ACOX3: variants seen among roughly 807,000 people sequenced by gnomAD.
The protein encoded by ACOX3 is peroxisomal acyl-coenzyme A oxidase 3.
Under a neutral mutation model 81.5 loss-of-function variants are expected in ACOX3, and 73 were observed. That is an observed-to-expected ratio of 0.90 (90% CI 0.74 to 1.09). ACOX3 has a LOEUF of 1.09. Among genes scored for constraint, ACOX3 ranks in the 50% least tolerant of loss-of-function variants. ACOX3 has a pLI of 0.00. For missense variants in ACOX3, 947 were observed against 928.0 expected (o/e 1.02, Z -0.27); for synonymous variants, 387 against 375.1 (o/e 1.03, Z -0.37).
At chr4:8,402,585 G>A (rs1261904485) in intron 7 of ACOX3, among the ~76,000 whole-genome samples, 1 of 152,208 alleles carries the variant, frequency 6.6e-6, no homozygotes, top group Admixed American at 6.5e-5. Context: ...ATTCCCGTGA[G>A]TTTCAAAGGA....
rs575942923 is a variant in ACOX3 at position 8,421,027 on chromosome 4, A to G, written c.-14-4492T>C. ...AAGGTTCCATTCCTTGGAATCCGTGAGGCCAAGAACCCCAGGTCAGAGAGC... is the reference window on the plus strand; with the variant it reads ...AAGGTTCCATTCCTTGGAATCCGTGGGGCCAAGAACCCCAGGTCAGAGAGC... On this transcript the variant is annotated intron_variant, in intron 1 of 17. Coordinates refer to ENST00000356406, the MANE Select transcript of ACOX3 (RefSeq NM_003501.3). Among the ~76,000 whole-genome samples, 3 of 152,310 alleles carry G rather than the reference A, an allele frequency of 2.0e-5. No homozygotes were observed. In the East Asian group the frequency reaches 5.8e-4, roughly 29 times the overall value.
intron 1 of ACOX3, among the ~76,000 whole-genome samples, chr4:8,435,912 C>G (rs930287615): frequency 3.3e-5 from 5 of 152,098 alleles, no homozygotes; most frequent in African/African-American, 1.2e-4. Context: ...CTAACATGCC[C>G]CAGGTCTCAC....
chr4:8,371,117 C>T (rs145053808), intron 16 of ACOX3, 123 bp from the exon 17 acceptor site: 19 of 795,660 alleles, frequency 2.4e-5, no homozygotes, highest in East Asian at 1.3e-4. Flanking sequence ...GCGGCACGTG[C>T]GGCTCTGCTG....
At position 8,377,620 on chromosome 4, in the gene ACOX3, G is replaced by T. The variant is rs540470757; in HGVS notation, c.1654-2468C>A. ...GCATCTCAGTCCCCAGGATTTGCCT[G>T]CATGATACTGCGCTGTTCTTCCAGG... is the stretch of plus-strand genomic sequence containing the variant. On this transcript the variant is annotated intron_variant, in intron 14 of 17. Coordinates refer to ENST00000356406, the MANE Select transcript of ACOX3 (RefSeq NM_003501.3). 3.3e-5 allele frequency among the ~76,000 whole-genome samples: 5 copies of T among 152,332 alleles called. No homozygotes were observed. In the East Asian group the frequency reaches 9.7e-4, roughly 29 times the overall value.
chr4:8,404,084 C>T (rs138516606), intron 7 of ACOX3, among the ~76,000 whole-genome samples: 7 of 152,230 alleles, frequency 4.6e-5, no homozygotes, highest in East Asian at 1.9e-4. Context: ...TCCTGCACAG[C>T]GCTTCAGAGC....
chr4:8,359,914 G>T, the ACOX3 span, among the ~76,000 whole-genome samples: 7 of 152,312 alleles, frequency 4.6e-5, no homozygotes, highest in East Asian at 1.3e-3. The surrounding 1 kb of genome is among the most constrained non-coding windows in gnomAD (Gnocchi z 6.0). Flanking sequence ...AACCAGGTCT[G>T]GTGTGCTTTC....
Position 8,414,918 on chromosome 4 carries a change from G to A in ACOX3, c.389C>T (p.Ser130Leu). The A allele has an allele frequency of 6.2e-7, 1 of 1,614,186 alleles. No homozygotes were observed. Among genetic ancestry groups the A allele is most frequent in the South Asian group, 1.1e-5 (1 of 91,082 alleles). The stretch of plus-strand genomic sequence containing the variant: ...TTCAGAACCAGAACTGTAAACTGCT[G>A]ATCCAAAAACCTGAAAGTATAACAT... The part of the protein sequence containing the change: ...KYLLHSLVFG[S>L]AVYSSGSERH... The change falls in exon 4 of 18, where the codon TCA (serine) becomes TTA (leucine). Residue 130 changes from serine (S) to leucine (L), a missense_variant. Physicochemically the swap from Ser to Leu is moderately radical, Grantham distance 145. Transcript: ENST00000356406. The surrounding 1 kb of genome is among the most constrained non-coding windows in gnomAD (Gnocchi z 6.1).
chr4:8,376,114 G>C (rs1560168838), intron 14 of ACOX3, among the ~76,000 whole-genome samples: 1 of 152,152 alleles, frequency 6.6e-6, no homozygotes, highest in South Asian at 2.1e-4. Flanking sequence ...GTGGCTGAAC[G>C]AATCTGCGTT....
rs941613103 is a variant in ACOX3 at position 8,386,380 on chromosome 4, C to T, written c.1537+2793G>A. 2.0e-5 allele frequency among the ~76,000 whole-genome samples: 3 copies of T among 151,958 alleles called. No homozygotes were observed. The highest frequency in any genetic ancestry group is 4.8e-5 in the African/African-American group (2 of 41,352). ...AGGATATCGAGACCATCCTGCCTAA[C>T]ACGGTGAAACTCCGTCTCTACTAAA... On this transcript the variant is annotated intron_variant, in intron 13 of 17. Transcript: ENST00000356406. This position sits in a 1 kb window ranked among gnomAD's most constrained non-coding sequence, Gnocchi z 5.2.
Position 8,392,452 on chromosome 4 carries a change from G to A in ACOX3, c.1181C>T (p.Ala394Val). The A allele has an allele frequency of 6.4e-7, 1 of 1,571,610 alleles. No individual in the cohort carries two copies. Among genetic ancestry groups the A allele is most frequent in the Non-Finnish European group, 8.6e-7 (1 of 1,162,260 alleles). The part of the protein sequence containing the change: ...LASGDRSARQ[A>V]ELGREIHALA... ...GGCGTGGATCTCACGTCCAAGCTCT[G>A]CCTTTGGGTGAGGGAATCCAACAAG... The change falls in exon 11 of 18, where the codon GCA (alanine) becomes GTA (valine). Residue 394 changes from alanine to valine, a missense_variant and splice_region_variant. Physicochemically the swap from Ala to Val is moderately conservative, Grantham distance 64. Coordinates refer to ENST00000356406, the MANE Select transcript of ACOX3 (RefSeq NM_003501.3).
chr4:8,355,529 A>T, the ACOX3 span: 1 of 152,220 alleles, frequency 6.6e-6, no homozygotes, highest in Non-Finnish European at 1.5e-5. Flanking sequence ...GTCTCATATC[A>T]CACCTCGAAA....
At chr4:8,374,885 AAGG>A (rs1450510293) in intron 15 of ACOX3, 90 bp downstream of exon 15, 1 of 1,356,950 alleles carries the variant, frequency 7.4e-7, no homozygotes, top group Non-Finnish European at 9.8e-7. Context: ...AGTCCCGTGG[AAGG>A]AGGACGATGG....
chr4:8,366,708 C>T lies in ACOX3; in HGVS notation c.*253G>A, dbSNP rs1054040217. 6.6e-5 allele frequency: 22 copies of T among 330,834 alleles called. No individual in the cohort carries two copies. Among genetic ancestry groups the T allele is most frequent in the Middle Eastern group, 8.9e-4 (1 of 1,122 alleles). 20.5% of individuals were successfully genotyped at this position (330,834 alleles called of 1,614,324 possible). On this transcript the variant is annotated 3_prime_UTR_variant, in exon 18 of 18. Coordinates refer to ENST00000356406, the MANE Select transcript of ACOX3 (RefSeq NM_003501.3). The stretch of plus-strand genomic sequence containing the variant: ...ATTCTAATTATCAAAAAACCCACGG[C>T]GCATCAGGTAGACATGATCATCTGC...
Position 8,432,407 on chromosome 4 carries a change from G to A in ACOX3, c.-15+8241C>T, listed in dbSNP as rs909479746. On this transcript the variant is annotated intron_variant, in intron 1 of 17. Coordinates refer to ENST00000356406, the MANE Select transcript of ACOX3 (RefSeq NM_003501.3). This position sits in a 1 kb window ranked among gnomAD's most constrained non-coding sequence, Gnocchi z 6.2. ...CACCACCACGCCCGGCTAATTTTTT[G>A]TATTTTTAGTAGAGACAGGTTTTCA... 6.6e-6 allele frequency among the ~76,000 whole-genome samples: 1 copy of A among 151,868 alleles called. No homozygotes were observed. The highest frequency in any genetic ancestry group is 1.5e-5 in the Non-Finnish European group (1 of 67,990).
rs888909033 is a variant in ACOX3, at chr4:8,407,715, C to T, written c.688-1672G>A. 3.3e-5 allele frequency among the ~76,000 whole-genome samples: 5 copies of T among 152,160 alleles called. No individual in the cohort carries two copies. Among genetic ancestry groups the T allele is most frequent in the African/African-American group, 9.7e-5 (4 of 41,442 alleles). ...GTGCAAATAGGTGTAGTGGGAGAAA[C>T]GGCTATGAATATTCTGGTCAATCAC... On this transcript the variant is annotated intron_variant, in intron 6 of 17. Transcript: ENST00000356406. This position sits in a 1 kb window ranked among gnomAD's most constrained non-coding sequence, Gnocchi z 4.6.
In ACOX3 at chr4:8,386,796, C is replaced by T. The variant is rs550765129; in HGVS notation, c.1537+2377G>A. On this transcript the variant is annotated intron_variant, in intron 13 of 17. Transcript: ENST00000356406. This position sits in a 1 kb window ranked among gnomAD's most constrained non-coding sequence, Gnocchi z 5.2. ...GAAGGCGCTGGGAAGCCGGACCGGCCCAGGCTCCACACCGGCTTCGGCCAC... is the reference window on the plus strand; with the variant it reads ...GAAGGCGCTGGGAAGCCGGACCGGCTCAGGCTCCACACCGGCTTCGGCCAC... 1.3e-5 allele frequency among the ~76,000 whole-genome samples: 2 copies of T among 152,282 alleles called. No individual in the cohort carries two copies. Among genetic ancestry groups the T allele is most frequent in the East Asian group, 1.9e-4 (1 of 5,156 alleles).
intron 1 of ACOX3, among the ~76,000 whole-genome samples, chr4:8,434,381 A>G (rs1040949556): frequency 2.0e-5 from 3 of 152,184 alleles, no homozygotes; most frequent in African/African-American, 7.2e-5. Flanking sequence ...GTCCTGCTAC[A>G]TTTCTTGGTT....
chr4:8,429,632 C>T (rs1054525414), intron 1 of ACOX3, among the ~76,000 whole-genome samples: 5 of 152,114 alleles, frequency 3.3e-5, no homozygotes, highest in Non-Finnish European at 7.3e-5. Flanking sequence ...GTCTGTCTGG[C>T]TCTCTTAGCG....
intron 15 of ACOX3, chr4:8,374,742 T>C (rs1716702289): frequency 2.3e-6 from 1 of 431,674 alleles, no homozygotes; most frequent in Admixed American, 3.9e-5. Flanking sequence ...CTGGAAGTGT[T>C]CTCTGAACCG....
Sources: allele counts gnomAD v4.1 joint callset (sites outside exome capture counted in the v4.1 genomes callset), GRCh38; gene constraint gnomAD v4.1.1; non-coding constraint Gnocchi (gnomAD v3.1); transcripts MANE v1.5; gene names NCBI Gene and HGNC (gene_info 2026-07-23, HGNC 2026-07-21).